Variants in UST observed in about 807,000 individuals in gnomAD.
UST encodes uronyl 2-sulfotransferase.
In UST, 21 loss-of-function variants were observed where a neutral mutation model predicts 45.6. The ratio of observed to expected loss-of-function variants is 0.46; its 90% confidence interval spans 0.33 to 0.66. The LOEUF (loss-of-function observed/expected upper bound fraction) is 0.66. Among genes scored for constraint, UST ranks in the 30% least tolerant of loss-of-function variants. UST has a pLI of 0.02. For missense variants in UST, 463 were observed against 512.4 expected, an observed-to-expected ratio of 0.90 and a Z score of 0.93; for synonymous variants, 215 against 200.6, an observed-to-expected ratio of 1.07 and a Z score of -0.61.
intron 1 of UST, among the ~76,000 whole-genome samples, chr6:148,869,519 T>A (rs1442039959): frequency 6.6e-6 from 1 of 152,212 alleles, no homozygotes; most frequent in Admixed American, 6.5e-5. Flanking sequence ...GAAGGCCTAA[T>A]AAAGAAGAAA....
intron 1 of UST, among the ~76,000 whole-genome samples, chr6:148,775,912 G>A (rs1041139053): frequency 6.6e-6 from 1 of 152,122 alleles, no homozygotes; most frequent in Non-Finnish European, 1.5e-5. Flanking sequence ...GATTACGGGT[G>A]TGAGCCACTG....
At chr6:148,754,239 G>A (rs1271782429) in intron 1 of UST, among the ~76,000 whole-genome samples, 2 of 151,900 alleles carry the variant, frequency 1.3e-5, no homozygotes, top group African/African-American at 4.8e-5. Context: ...CTCGTGATTC[G>A]CCCGCCTCGG....
At position 148,808,453 on chromosome 6, in the gene UST, C is replaced by T. The variant is rs143760992; in HGVS notation, c.247+60776C>T. 6.0e-3 allele frequency among the ~76,000 whole-genome samples: 916 copies of T among 152,108 alleles called. 5 individuals are homozygous for T. The highest frequency in any genetic ancestry group is 0.012 in the Admixed American group (176 of 15,296). ...GGGGGGTGGGCTTTCTACTCCTGCCCTGGCAGCCGCCACCCTTTACCTGGG... is the reference window on the plus strand; with the variant it reads ...GGGGGGTGGGCTTTCTACTCCTGCCTTGGCAGCCGCCACCCTTTACCTGGG... On this transcript the variant is annotated intron_variant, in intron 1 of 7. Coordinates refer to ENST00000367463, the MANE Select transcript of UST (RefSeq NM_005715.3).
At chr6:148,758,936 G>C (rs1459635428) in intron 1 of UST, among the ~76,000 whole-genome samples, 1 of 152,222 alleles carries the variant, frequency 6.6e-6, no homozygotes, top group Non-Finnish European at 1.5e-5. Flanking sequence ...TGACATGAAT[G>C]CCTTCCCATT....
At chr6:148,827,641 A>C (rs551074729) in intron 1 of UST, among the ~76,000 whole-genome samples, 2 of 151,742 alleles carry the variant, frequency 1.3e-5, no homozygotes, top group South Asian at 4.2e-4. Flanking sequence ...AAAAGCGTCT[A>C]AACTCCCGAA....
intron 7 of UST, among the ~76,000 whole-genome samples, chr6:149,065,062 GT>G (rs1215387432): frequency 6.6e-6 from 1 of 152,138 alleles, no homozygotes; most frequent in Admixed American, 6.5e-5. Flanking sequence ...GTTACTCTCA[GT>G]TCCTGCTAGG....
chr6:148,988,440 G>A (rs9498187), intron 5 of UST, among the ~76,000 whole-genome samples: 59 of 151,902 alleles, frequency 3.9e-4, no homozygotes, highest in African/African-American at 1.3e-3. Flanking sequence ...CCAGCATGGT[G>A]GCGTGTGCCT....
chr6:148,810,293 G>A (rs1007201954), intron 1 of UST, among the ~76,000 whole-genome samples: 27 of 152,132 alleles, frequency 1.8e-4, no homozygotes, highest in Non-Finnish European at 1.6e-4. Flanking sequence ...CCATAGATCA[G>A]GATTAGAATA....
intron 2 of UST, among the ~76,000 whole-genome samples, chr6:148,900,886 A>G (rs1582886627): frequency 6.6e-6 from 1 of 152,190 alleles, no homozygotes; most frequent in African/African-American, 2.4e-5. Flanking sequence ...TCCAGCTTCT[A>G]GAGGCCACCA....
intron 1 of UST, among the ~76,000 whole-genome samples, chr6:148,747,913 C>T (rs1372454458): frequency 1.3e-5 from 2 of 152,160 alleles, no homozygotes; most frequent in Non-Finnish European, 2.9e-5. Flanking sequence ...CGGCAGGTAC[C>T]CCGGGGCGAG....
chr6:148,938,854 A>G (rs1343098037), intron 2 of UST, among the ~76,000 whole-genome samples: 5 of 151,762 alleles, frequency 3.3e-5, no homozygotes, highest in East Asian at 3.9e-4. Context: ...AGATAATAGT[A>G]TATAAAAATC....
chr6:149,020,978 T>TA (rs1245864725), intron 6 of UST, among the ~76,000 whole-genome samples: 1 of 152,200 alleles, frequency 6.6e-6, no homozygotes, highest in Non-Finnish European at 1.5e-5. Flanking sequence ...GTCCTCCTAT[T>TA]AAAAAACCAT....
chr6:148,819,489 A>T (rs181057637), intron 1 of UST, among the ~76,000 whole-genome samples: 216 of 152,352 alleles, frequency 1.4e-3, no homozygotes, highest in South Asian at 7.2e-3. Context: ...AGATAGAAAG[A>T]TATTAGGAAT....
intron 1 of UST, among the ~76,000 whole-genome samples, chr6:148,855,536 T>C (rs980860587): frequency 2.0e-5 from 3 of 152,176 alleles, no homozygotes; most frequent in Admixed American, 6.5e-5. Context: ...GGAGGACTTA[T>C]TTGGAGGCTG....
intron 1 of UST, among the ~76,000 whole-genome samples, chr6:148,770,254 G>A (rs1345154844): frequency 6.6e-6 from 1 of 151,388 alleles, no homozygotes; most frequent in Non-Finnish European, 1.5e-5. Flanking sequence ...AGAAGGAGAG[G>A]GATTCAGGGA....
intron 5 of UST, among the ~76,000 whole-genome samples, chr6:149,018,669 G>A (rs1178338891): frequency 6.6e-6 from 1 of 152,162 alleles, no homozygotes; most frequent in African/African-American, 2.4e-5. Flanking sequence ...TGATTTTACA[G>A]CTCCTCTAAA....
chr6:148,765,402 C>A (rs1776303302), intron 1 of UST, among the ~76,000 whole-genome samples: 1 of 152,122 alleles, frequency 6.6e-6, no homozygotes, highest in Admixed American at 6.5e-5. Context: ...ATAATGCTAT[C>A]CCTCCAGCTT....
At chr6:148,878,186 A>G (rs1365969023) in intron 1 of UST, among the ~76,000 whole-genome samples, 5 of 52,254 alleles carry the variant, frequency 9.6e-5, no homozygotes, top group Admixed American at 2.3e-4. Flanking sequence ...ACGAGTGAGG[A>G]GATCATGTAC....
intron 1 of UST, among the ~76,000 whole-genome samples, chr6:148,885,297 T>C (rs1465940978): frequency 1.3e-5 from 2 of 152,200 alleles, no homozygotes; most frequent in African/African-American, 2.4e-5. Context: ...ATTCCCATGC[T>C]GAGCAGATGG....
Sources: gnomAD v4.1 joint callset for allele counts (sites outside exome capture counted in the v4.1 genomes callset) on GRCh38, gnomAD v4.1.1 for gene constraint, MANE v1.5 for transcripts, NCBI Gene and HGNC (gene_info 2026-07-23, HGNC 2026-07-21) for gene names.